Variants in IFT43 observed in about 807,000 individuals in gnomAD.
The protein encoded by IFT43 is intraflagellar transport protein 43 homolog.
In IFT43, 33 loss-of-function variants were observed where a neutral mutation model predicts 32.3. The ratio of observed to expected loss-of-function variants is 1.02; its 90% CI spans 0.77 to 1.37. IFT43 has a LOEUF of 1.37. IFT43 is among the 40% of genes most tolerant of loss of function. The pLI is 0.00. For missense variants in IFT43, 274 were observed against 265.9 expected, an observed-to-expected ratio of 1.03 and a Z score of -0.21; for synonymous variants, 93 against 98.2, an observed-to-expected ratio of 0.95 and a Z score of 0.31.
At chr14:75,991,526 T>C (rs1256118898) in intron 2 of IFT43, among the ~76,000 whole-genome samples, 1 of 151,828 alleles carries the variant, frequency 6.6e-6, no homozygotes, top group African/African-American at 2.4e-5. Context: ...CATTAGGCCT[T>C]GAAGCCTTAT....
At chr14:75,993,850 A>G (rs955876827) in intron 2 of IFT43, among the ~76,000 whole-genome samples, 2 of 152,216 alleles carry the variant, frequency 1.3e-5, no homozygotes, top group Non-Finnish European at 2.9e-5. Flanking sequence ...GGTGCATGCC[A>G]GTAAGAAGGG....
chr14:76,004,787 C>A (rs968076325), intron 2 of IFT43, among the ~76,000 whole-genome samples: 1 of 152,058 alleles, frequency 6.6e-6, no homozygotes, highest in Non-Finnish European at 1.5e-5. Context: ...ATTGGTCTGT[C>A]TTTAAGTTCA....
chr14:76,027,378 G>C (rs117013432), intron 3 of IFT43, among the ~76,000 whole-genome samples: 1 of 135,676 alleles, frequency 7.4e-6, no homozygotes, highest in South Asian at 2.4e-4. Flanking sequence ...ATAAGTTGTA[G>C]ATGTCATGAC....
chr14:76,001,561 C>T (rs1356825745), intron 2 of IFT43, among the ~76,000 whole-genome samples: 3 of 152,286 alleles, frequency 2.0e-5, no homozygotes, highest in South Asian at 2.1e-4. Flanking sequence ...CCTTAATTCG[C>T]ATGGTTGTGC....
intron 3 of IFT43, among the ~76,000 whole-genome samples, chr14:76,045,825 C>T: frequency 6.6e-6 from 1 of 152,240 alleles, no homozygotes; most frequent in East Asian, 1.9e-4. Context: ...GTCTACCCCT[C>T]AGCCCCAGAG....
At chr14:76,050,312 G>A (rs1019173730) in intron 3 of IFT43, among the ~76,000 whole-genome samples, 1 of 152,152 alleles carries the variant, frequency 6.6e-6, no homozygotes, top group African/African-American at 2.4e-5. Context: ...ACTGGCTTTG[G>A]AGCCTTCATT....
At position 75,991,388 on chromosome 14, in the gene IFT43, AGTGTGTGTGT is replaced by A. The variant is rs34624480; in HGVS notation, c.147+2440_147+2449del. ...ATATATATATATAAATATTAACAAG[AGTGTGTGTGT>A]GTGTGTGTGTGTGTGTGTGTGTGTG... On this transcript the variant is annotated intron_variant, in intron 2 of 8. Coordinates refer to ENST00000314067, the MANE Select transcript of IFT43 (RefSeq NM_001102564.3). 9.1e-3 allele frequency among the ~76,000 whole-genome samples: 1,286 copies of A among 141,992 alleles called. 5 individuals are homozygous for A. The highest frequency in any genetic ancestry group is 0.011 in the Admixed American group (158 of 14,218). 93.2% of individuals were successfully genotyped at this position (141,992 alleles called of 152,430 possible).
At chr14:76,027,262 T>C (rs1389675253) in intron 3 of IFT43, among the ~76,000 whole-genome samples, 1 of 152,068 alleles carries the variant, frequency 6.6e-6, no homozygotes, top group East Asian at 1.9e-4. Context: ...AAAATACCAT[T>C]ATTAAAAATA....
chr14:75,987,813 A>G (rs1367755370), intron 1 of IFT43, among the ~76,000 whole-genome samples: 2 of 152,244 alleles, frequency 1.3e-5, no homozygotes, highest in Non-Finnish European at 2.9e-5. Flanking sequence ...TTGATGGCCA[A>G]GAATTTTGAA....
chr14:75,989,360 C>G (rs528077125), intron 2 of IFT43, among the ~76,000 whole-genome samples: 1 of 144,106 alleles, frequency 6.9e-6, no homozygotes, highest in Non-Finnish European at 1.5e-5. Flanking sequence ...TGGTGACCTG[C>G]GCTTTCTACA....
At chr14:76,043,424 C>G (rs1396423386) in intron 3 of IFT43, among the ~76,000 whole-genome samples, 1 of 151,742 alleles carries the variant, frequency 6.6e-6, no homozygotes, top group Admixed American at 6.6e-5. Flanking sequence ...GAAATAGGAG[C>G]CACTGCAGTG....
rs1007837224 is a variant in IFT43, at chr14:76,022,217, C to T, written c.148-110C>T. On this transcript the variant is annotated intron_variant, in intron 2 of 8. Coordinates refer to ENST00000314067, the MANE Select transcript of IFT43 (RefSeq NM_001102564.3). ...AGTGAGCTGAGGTCGCACCACTGCA[C>T]TCCAGCCTGGGTGACAGAGTGAGAT... 6.2e-5 allele frequency: 63 copies of T among 1,015,512 alleles called. 1 individual carries two copies. In the Admixed American group the frequency reaches 9.7e-4, roughly 16 times the overall value. The allele number at this position is 1,015,512 out of a possible 1,614,324, so 62.9% of individuals were successfully genotyped here. A position where few individuals can be genotyped will look rare whatever the true frequency, so the allele number is the denominator to read the frequency against.
intron 3 of IFT43, among the ~76,000 whole-genome samples, chr14:76,036,757 C>A (rs563517631): frequency 6.6e-6 from 1 of 151,862 alleles, no homozygotes; most frequent in Admixed American, 6.6e-5. Context: ...TCACCACCCC[C>A]CTATGTTTTC....
At chr14:75,994,927 TGGCAAAACC>T (rs2139876233) in intron 2 of IFT43, among the ~76,000 whole-genome samples, 1 of 152,370 alleles carries the variant, frequency 6.6e-6, no homozygotes, top group East Asian at 1.9e-4. Context: ...AAGTAATCTT[TGGCAAAACC>T]TCTCCAGGGC....
chr14:76,058,318 T>TA, intron 3 of IFT43: 1 of 351,760 alleles, frequency 2.8e-6, no homozygotes, highest in Non-Finnish European at 5.5e-6. Flanking sequence ...AAGCACTCTA[T>TA]AAATCAGTCA....
chr14:76,075,068 C>G (rs2037388974), intron 5 of IFT43, among the ~76,000 whole-genome samples: 1 of 152,222 alleles, frequency 6.6e-6, no homozygotes. Flanking sequence ...AACAGGGCCT[C>G]CTCTCTCTGT....
intron 2 of IFT43, among the ~76,000 whole-genome samples, chr14:75,999,257 A>G (rs1281872669): frequency 4.2e-4 from 5 of 11,946 alleles, no homozygotes; most frequent in African/African-American, 8.7e-4. Flanking sequence ...ATATATATAT[A>G]TATATATATA....
intron 3 of IFT43, among the ~76,000 whole-genome samples, chr14:76,035,446 T>C (rs376810361): frequency 2.2e-4 from 33 of 152,142 alleles, no homozygotes; most frequent in African/African-American, 7.2e-4. Context: ...CCCTCCTCCT[T>C]CTCTCTTTCT....
At chr14:76,044,367 G>A (rs2140015755) in intron 3 of IFT43, among the ~76,000 whole-genome samples, 1 of 152,270 alleles carries the variant, frequency 6.6e-6, no homozygotes, top group South Asian at 2.1e-4. Flanking sequence ...GGATGCAAAT[G>A]AAGAGCTATA....
Sources: gnomAD v4.1 joint callset for allele counts (sites outside exome capture counted in the v4.1 genomes callset) on GRCh38, gnomAD v4.1.1 for gene constraint, MANE v1.5 for transcripts, NCBI Gene and HGNC (gene_info 2026-07-23, HGNC 2026-07-21) for gene names.